The following FSTL5 variants were observed in gnomAD, a reference collection of about 807,000 sequenced individuals.
The protein encoded by FSTL5 is follistatin-related protein 5.
Under a neutral mutation model 89.1 loss-of-function variants are expected in FSTL5, and 62 were observed. That is an observed-to-expected ratio of 0.70 (90% CI 0.57 to 0.86). The LOEUF is 0.86. FSTL5 is among the 40% of genes least tolerant of loss of function. FSTL5 has a pLI of 0.00. For missense variants in FSTL5, 1,057 were observed against 1,001.6 expected, an observed-to-expected ratio of 1.06 and a Z score of -0.75; for synonymous variants, 383 against 346.2, an observed-to-expected ratio of 1.11 and a Z score of -1.18.
At chr4:161,544,926 T>C (rs1215873123) in intron 8 of FSTL5, among the ~76,000 whole-genome samples, 1 of 151,992 alleles carries the variant, frequency 6.6e-6, no homozygotes, top group Non-Finnish European at 1.5e-5. Flanking sequence ...TAGTGATGAA[T>C]ACAATCTGAA....
chr4:162,016,413 C>A (rs571992174), intron 3 of FSTL5, among the ~76,000 whole-genome samples: 29 of 152,162 alleles, frequency 1.9e-4, no homozygotes, highest in Admixed American at 3.9e-4. Context: ...ATCACATCAA[C>A]CCTATGGAAA....
At chr4:162,014,376 A>T (rs927740996) in intron 3 of FSTL5, among the ~76,000 whole-genome samples, 2 of 152,220 alleles carry the variant, frequency 1.3e-5, no homozygotes, top group Admixed American at 1.3e-4. Flanking sequence ...AAAATTTATT[A>T]TTGTCAAGCT....
chr4:161,483,616 T>C (rs1729589908), intron 12 of FSTL5, among the ~76,000 whole-genome samples: 1 of 152,220 alleles, frequency 6.6e-6, no homozygotes, highest in South Asian at 2.1e-4. Flanking sequence ...TATGCTATTA[T>C]TTCTGATTAT....
rs192887588 is a variant in FSTL5 at position 161,985,184 on chromosome 4, A to C, written c.160+48441T>G. Among the ~76,000 whole-genome samples the C allele has an allele frequency of 6.9e-4, 105 of 152,204 alleles. 1 individual carries two copies. Among genetic ancestry groups the C allele is most frequent in the African/African-American group, 2.5e-3 (104 of 41,542 alleles). The stretch of plus-strand genomic sequence containing the variant: ...TCTGAGTAATTCTTATATTTACCCA[A>C]GATTACTTGCAAGCCAAAATGCCAT... On this transcript the variant is annotated intron_variant, in intron 3 of 15. Transcript: ENST00000306100.
intron 12 of FSTL5, among the ~76,000 whole-genome samples, 190 bp downstream of exon 12, chr4:161,499,826 G>A (rs1365535816): frequency 2.9e-5 from 4 of 135,934 alleles, no homozygotes. Context: ...CAAATTCTTA[G>A]GAATACATAA....
chr4:161,684,594 TA>T (rs1234128485), intron 6 of FSTL5, among the ~76,000 whole-genome samples: 2 of 152,180 alleles, frequency 1.3e-5, no homozygotes, highest in Non-Finnish European at 2.9e-5. Flanking sequence ...TTCATGTCCT[TA>T]GCCCACTTTT....
chr4:161,739,277 A>G (rs1239709826), intron 6 of FSTL5, among the ~76,000 whole-genome samples: 1 of 152,212 alleles, frequency 6.6e-6, no homozygotes, highest in Non-Finnish European at 1.5e-5. Context: ...TGCCACACAT[A>G]TCAGGAGAAT....
chr4:161,585,997 A>T (rs1733602796), intron 8 of FSTL5, among the ~76,000 whole-genome samples: 1 of 152,212 alleles, frequency 6.6e-6, no homozygotes, highest in Non-Finnish European at 1.5e-5. Flanking sequence ...TTCACCAGAA[A>T]CCAAGAACTA....
At chr4:161,858,296 G>C (rs555986410) in intron 4 of FSTL5, among the ~76,000 whole-genome samples, 282 of 152,270 alleles carry the variant, frequency 1.9e-3, no homozygotes, top group African/African-American at 6.4e-3. Flanking sequence ...CATTTCTGCT[G>C]TTTATAAGCC....
chr4:161,977,639 A>AAAAAAAAAAT (rs1553988132), intron 3 of FSTL5, among the ~76,000 whole-genome samples: 14 of 101,206 alleles, frequency 1.4e-4, no homozygotes, highest in Non-Finnish European at 2.3e-4. Context: ...AAAAAAAAAA[A>AAAAAAAAAAT]AATAATAATA....
chr4:161,702,288 G>T (rs759874682), intron 6 of FSTL5, among the ~76,000 whole-genome samples: 15 of 152,172 alleles, frequency 9.9e-5, no homozygotes, highest in African/African-American at 3.1e-4. Context: ...AGGGTCAACA[G>T]AACATTGCAT....
At chr4:161,900,579 C>CAGTA (rs1430012981) in intron 4 of FSTL5, among the ~76,000 whole-genome samples, 3 of 127,100 alleles carry the variant, frequency 2.4e-5, no homozygotes, top group African/African-American at 6.0e-5. Flanking sequence ...GCGGAGGTTG[C>CAGTA]AGTAAGTCCA....
intron 6 of FSTL5, among the ~76,000 whole-genome samples, chr4:161,689,072 C>T (rs1028871312): frequency 1.3e-5 from 2 of 152,108 alleles, no homozygotes; most frequent in Non-Finnish European, 2.9e-5. Context: ...TGTATATATT[C>T]TGCTCATACA....
intron 3 of FSTL5, among the ~76,000 whole-genome samples, chr4:161,966,461 A>C (rs1735330077): frequency 6.6e-6 from 1 of 152,148 alleles, no homozygotes; most frequent in South Asian, 2.1e-4. Flanking sequence ...AAGTATACAA[A>C]ACCCCAGGAT....
At chr4:161,556,062 T>G (rs551826318) in intron 8 of FSTL5, among the ~76,000 whole-genome samples, 2 of 151,562 alleles carry the variant, frequency 1.3e-5, no homozygotes, top group African/African-American at 2.4e-5. Context: ...CAGATGCAAA[T>G]GTAAACCCTG....
intron 7 of FSTL5, among the ~76,000 whole-genome samples, chr4:161,604,853 T>C (rs930305905): frequency 2.6e-5 from 4 of 152,174 alleles, no homozygotes; most frequent in Non-Finnish European, 5.9e-5. Context: ...TGTGGGAGCC[T>C]GCCTAAAAGA....
intron 2 of FSTL5, among the ~76,000 whole-genome samples, chr4:162,100,615 C>A (rs1325740195): frequency 2.0e-5 from 3 of 152,096 alleles, no homozygotes; most frequent in African/African-American, 4.8e-5. Flanking sequence ...TTCATCAAAA[C>A]CCCTAGAATA....
intron 15 of FSTL5, among the ~76,000 whole-genome samples, chr4:161,412,222 G>A (rs759869275): frequency 3.8e-4 from 58 of 152,050 alleles, no homozygotes; most frequent in Admixed American, 1.4e-3. Context: ...TTACATGCTC[G>A]TGGATGGGAA....
chr4:161,480,342 GA>G (rs1729454778), intron 13 of FSTL5, among the ~76,000 whole-genome samples: 1 of 152,082 alleles, frequency 6.6e-6, no homozygotes, highest in Non-Finnish European at 1.5e-5. Context: ...AGCAAAAGAT[GA>G]AAAAAATTAA....
Sources: allele counts gnomAD v4.1 joint callset (sites outside exome capture counted in the v4.1 genomes callset), GRCh38; gene constraint gnomAD v4.1.1; transcripts MANE v1.5; gene names NCBI Gene and HGNC (gene_info 2026-07-23, HGNC 2026-07-21).